PRUNE2: variants seen among roughly 807,000 people sequenced by gnomAD.
PRUNE2 encodes prune homolog 2 with BCH domain.
A neutral mutation model predicts 252.0 loss-of-function variants in PRUNE2; 164 were observed. That is an observed-to-expected ratio of 0.65 (90% CI 0.57 to 0.74). The LOEUF is 0.74. Among genes scored for constraint, PRUNE2 ranks in the 30% least tolerant of loss-of-function variants. The pLI is 0.00. For missense variants in PRUNE2, 3,495 were observed against 3,711.0 expected (o/e 0.94, Z 1.51); for synonymous variants, 1,292 against 1,350.2 (o/e 0.96, Z 0.94).
chr9:76,658,456 A>C (rs1460191880), intron 9 of PRUNE2, among the ~76,000 whole-genome samples: 1 of 152,194 alleles, frequency 6.6e-6, no homozygotes, highest in Non-Finnish European at 1.5e-5. Flanking sequence ...TCTAAGAGAA[A>C]CCCAAGTCAC....
At chr9:76,751,334 T>C (rs2135733449) in intron 6 of PRUNE2, among the ~76,000 whole-genome samples, 1 of 152,226 alleles carries the variant, frequency 6.6e-6, no homozygotes, top group South Asian at 2.1e-4. Flanking sequence ...ATCAATGAAG[T>C]TACTGAAATT....
At chr9:76,837,416 T>TG (rs1439445870) in intron 4 of PRUNE2, among the ~76,000 whole-genome samples, 1 of 147,934 alleles carries the variant, frequency 6.8e-6, no homozygotes, top group South Asian at 2.2e-4. Flanking sequence ...CACTCCGGCC[T>TG]GGCGACACAG....
At position 76,698,761 on chromosome 9, in the gene PRUNE2, C is replaced by G. The variant is rs554749646; in HGVS notation, c.8276+4576G>C. Reference sequence around the variant, plus strand: ...GAAAAACAAAAAGATCTCACGGTGTCACTCATAAGCAGAAAGATAAATTCT... The same window carrying G: ...GAAAAACAAAAAGATCTCACGGTGTGACTCATAAGCAGAAAGATAAATTCT... On this transcript the variant is annotated intron_variant, in intron 9 of 18. Transcript: ENST00000376718. Among the ~76,000 whole-genome samples, 74 of 152,230 alleles carry G rather than the reference C, an allele frequency of 4.9e-4. 1 individual carries two copies. Among genetic ancestry groups the G allele is most frequent in the Admixed American group, 2.1e-3 (32 of 15,290 alleles).
rs150385502 is a variant in PRUNE2 at position 76,810,096 on chromosome 9, G to A, written c.756+13536C>T. ...ACAATGGAGCATCATCCACAGGTGC[G>A]CCTGGCATACGCATTTGCAGAGAAA... On this transcript the variant is annotated intron_variant, in intron 6 of 18. Transcript: ENST00000376718. Among the ~76,000 whole-genome samples the A allele has an allele frequency of 7.6e-4, 116 of 152,324 alleles. 1 individual carries two copies. The highest frequency in any genetic ancestry group is 1.4e-3 in the Admixed American group (22 of 15,300).
At chr9:76,893,536 G>A (rs1289901244) in intron 1 of PRUNE2, among the ~76,000 whole-genome samples, 2 of 152,204 alleles carry the variant, frequency 1.3e-5, no homozygotes, top group African/African-American at 2.4e-5. Flanking sequence ...GGGGCCAATT[G>A]TAACAAGTGT....
At chr9:76,835,677 C>T (rs759446815) in intron 4 of PRUNE2, among the ~76,000 whole-genome samples, 10 of 152,022 alleles carry the variant, frequency 6.6e-5, no homozygotes, top group Non-Finnish European at 1.2e-4. Context: ...GCAAAACAGG[C>T]AATGTAATTC....
At chr9:76,809,613 T>C (rs937839402) in intron 6 of PRUNE2, among the ~76,000 whole-genome samples, 6 of 152,098 alleles carry the variant, frequency 3.9e-5, no homozygotes, top group African/African-American at 1.2e-4. Flanking sequence ...GGAGAATCAC[T>C]TGAACCAGGG....
chr9:76,795,079 G>C (rs1439995582), intron 6 of PRUNE2, among the ~76,000 whole-genome samples: 1 of 152,134 alleles, frequency 6.6e-6, no homozygotes, highest in African/African-American at 2.4e-5. Flanking sequence ...CCTGGGAATG[G>C]GGGCCTAATT....
At chr9:76,856,439 A>G (rs1021692940) in intron 1 of PRUNE2, 5 of 152,208 alleles carry the variant, frequency 3.3e-5, no homozygotes, top group African/African-American at 1.2e-4. Context: ...ACTTACAGGA[A>G]AGAAGACATG....
Position 76,782,204 on chromosome 9 carries a change from A to G in PRUNE2, c.756+41428T>C, listed in dbSNP as rs942285391. Among the ~76,000 whole-genome samples the G allele has an allele frequency of 2.0e-5, 3 of 151,262 alleles. 1 individual carries two copies. Among genetic ancestry groups the G allele is most frequent in the Admixed American group, 2.0e-4 (3 of 15,206 alleles). On this transcript the variant is annotated intron_variant, in intron 6 of 18. Coordinates refer to ENST00000376718, the MANE Select transcript of PRUNE2 (RefSeq NM_015225.3). Reference sequence around the variant, plus strand: ...ACTCCAGCCTGGGTGACAAAGCGAGACTCCATCTCAAAAAAAGAAAAAAAA... The same window carrying G: ...ACTCCAGCCTGGGTGACAAAGCGAGGCTCCATCTCAAAAAAAGAAAAAAAA...
chr9:76,776,000 T>C (rs917602453), intron 6 of PRUNE2, among the ~76,000 whole-genome samples: 5 of 152,194 alleles, frequency 3.3e-5, no homozygotes, highest in African/African-American at 4.8e-5. Flanking sequence ...TTGGGAGGGA[T>C]AGGAATAAGA....
intron 6 of PRUNE2, chr9:76,785,171 C>T (rs1564299177): frequency 6.6e-6 from 1 of 152,184 alleles, no homozygotes; most frequent in Admixed American, 6.6e-5. Flanking sequence ...CTTGTAATTC[C>T]TTGAACATGT....
At chr9:76,722,881 C>T (rs2047765998) in intron 6 of PRUNE2, among the ~76,000 whole-genome samples, 1 of 152,206 alleles carries the variant, frequency 6.6e-6, no homozygotes, top group South Asian at 2.1e-4. Flanking sequence ...TAAATGAGAA[C>T]ATCCCTCCTC....
At chr9:76,782,105 T>G (rs1340602645) in intron 6 of PRUNE2, among the ~76,000 whole-genome samples, 3 of 151,932 alleles carry the variant, frequency 2.0e-5, no homozygotes, top group Admixed American at 2.0e-4. Flanking sequence ...TCCCAGCTAC[T>G]GGGGAGGCTG....
intron 11 of PRUNE2, among the ~76,000 whole-genome samples, chr9:76,648,891 G>A (rs1438183502): frequency 6.6e-6 from 1 of 152,210 alleles, no homozygotes; most frequent in African/African-American, 2.4e-5. Context: ...TCTATGTACT[G>A]TTTCAAAATA....
chr9:76,872,172 A>G (rs1215118205), intron 1 of PRUNE2, among the ~76,000 whole-genome samples: 1 of 152,036 alleles, frequency 6.6e-6, no homozygotes. Context: ...AGCATCTGCA[A>G]GCCCCACCTT....
chr9:76,858,344 T>C (rs1049788330), intron 1 of PRUNE2, among the ~76,000 whole-genome samples: 1 of 152,138 alleles, frequency 6.6e-6, no homozygotes, highest in Non-Finnish European at 1.5e-5. Flanking sequence ...GTGAGGTTCA[T>C]TAGAAAGTGG....
chr9:76,654,364 C>T (rs1848482240), intron 10 of PRUNE2, among the ~76,000 whole-genome samples: 1 of 152,162 alleles, frequency 6.6e-6, no homozygotes, highest in Non-Finnish European at 1.5e-5. Flanking sequence ...TGGAACATCA[C>T]CCAAACTCTG....
chr9:76,713,744 GAT>G, intron 6 of PRUNE2, 23 bp from the exon 7 acceptor site: 1 of 1,565,684 alleles, frequency 6.4e-7, no homozygotes, highest in Non-Finnish European at 8.7e-7. Flanking sequence ...CAGGAAATTT[GAT>G]ATTAATGTCA....
Sources: allele counts gnomAD v4.1 joint callset (sites outside exome capture counted in the v4.1 genomes callset), GRCh38; gene constraint gnomAD v4.1.1; transcripts MANE v1.5; gene names NCBI Gene and HGNC (gene_info 2026-07-23, HGNC 2026-07-21).